CD59: variants seen among roughly 807,000 people sequenced by gnomAD.
The protein encoded by CD59 is CD59 glycoprotein.
CD59 carries 3 observed loss-of-function variants against 7.0 expected under a neutral mutation model. The ratio of observed to expected loss-of-function variants is 0.43; its 90% CI spans 0.19 to 1.10. CD59 has a LOEUF of 1.10. Among genes scored for constraint, CD59 ranks in the 50% least tolerant of loss-of-function variants. The pLI is 0.29. For synonymous variants in CD59, 60 were observed against 62.0 expected (o/e 0.97, Z 0.15); for missense variants, 143 against 151.0 (o/e 0.95, Z 0.28).
chr11:33,734,545 C>T (rs776941961), intron 1 of CD59, among the ~76,000 whole-genome samples: 2 of 152,166 alleles, frequency 1.3e-5, no homozygotes, highest in Non-Finnish European at 2.9e-5. Context: ...TGGTCAGCTC[C>T]CACTTATTAG....
At position 33,706,598 on chromosome 11, in the gene CD59, T is replaced by A. The variant is rs1359777917; in HGVS notation, c.*3528A>T. ...CTTGTCCAGAGACATAGCCAATTAG[T>A]GGAAGAGGGTTTGAACCCAGGTTCC... On this transcript the variant is annotated 3_prime_UTR_variant, in exon 4 of 4. Transcript: ENST00000642928. 5 of 149,220 alleles carry A rather than the reference T, an allele frequency of 3.4e-5. No individual in the cohort carries two copies. The allele number at this position is 149,220 out of a possible 1,614,324, so 9.2% of individuals were successfully genotyped here.
chr11:33,711,380 T>C, intron 3 of CD59: 1 of 701,234 alleles, frequency 1.4e-6, no homozygotes, highest in Non-Finnish European at 2.6e-6. Flanking sequence ...ATAAAAAGAC[T>C]AACCCAATTA....
chr11:33,715,068 C>T (rs1564971608), intron 3 of CD59, among the ~76,000 whole-genome samples: 2 of 151,592 alleles, frequency 1.3e-5, no homozygotes, highest in South Asian at 4.2e-4. Context: ...CTCAGCCTCC[C>T]GAGAGGCTGT....
intron 2 of CD59, chr11:33,718,172 T>C (rs831635): frequency 0.69 from 105,586 of 153,980 alleles, 37,838 homozygotes; most frequent in African/African-American, 0.91. Flanking sequence ...TGCCTCTTGG[T>C]CTGCAAAGCT....
chr11:33,731,763 G>A (rs970437896), intron 1 of CD59, among the ~76,000 whole-genome samples: 3 of 151,258 alleles, frequency 2.0e-5, no homozygotes, highest in African/African-American at 4.9e-5. Flanking sequence ...AAAAGAAGCT[G>A]TTAGTTCTTA....
intron 1 of CD59, chr11:33,722,771 C>T: frequency 9.3e-7 from 1 of 1,072,030 alleles, no homozygotes; most frequent in Non-Finnish European, 1.2e-6. Context: ...GTGGTTCCCA[C>T]TCTACTGGCC....
Position 33,707,859 on chromosome 11 carries a change from C to T in CD59, c.*2267G>A, listed in dbSNP as rs546155770. On this transcript the variant is annotated 3_prime_UTR_variant, in exon 4 of 4. Transcript: ENST00000642928. ...GCAGCAGGCAGAGAGCCTTTACTGTCATAGTGAAGAGCTTGCCAAGGACAG... is the reference window on the plus strand; with the variant it reads ...GCAGCAGGCAGAGAGCCTTTACTGTTATAGTGAAGAGCTTGCCAAGGACAG... The T allele has an allele frequency of 2.0e-4, 31 of 152,328 alleles. No homozygotes were observed. The highest frequency in any genetic ancestry group is 7.5e-4 in the African/African-American group (31 of 41,554). 9.4% of individuals were successfully genotyped at this position (152,328 alleles called of 1,614,324 possible).
At chr11:33,711,251 G>C in intron 3 of CD59, 1 of 585,070 alleles carries the variant, frequency 1.7e-6, no homozygotes, top group Non-Finnish European at 3.0e-6. Context: ...AGAATTGTTT[G>C]AGGCGGGAAG....
chr11:33,711,146 C>T (rs1853538396), intron 3 of CD59, among the ~76,000 whole-genome samples: 1 of 151,778 alleles, frequency 6.6e-6, no homozygotes, highest in African/African-American at 2.4e-5. Context: ...AAAGATAACT[C>T]ACAGAAAGGG....
Position 33,717,413 on chromosome 11 carries a change from G to C in CD59, c.126C>G (p.Val42=), listed in dbSNP as rs2231458. The C allele has an allele frequency of 1.0e-3, 1,633 of 1,613,692 alleles. 14 individuals carry two copies. The African/African-American group carries it at 0.019, about 18-fold the overall frequency. The change falls in exon 3 of 4, where the codon GTC becomes GTG. Residue 42 remains valine, a synonymous_variant. Transcript: ENST00000642928. ...ACGCATCAAAATCAGATGAACAATT[G>C]ACGGCTGTTTTGCAGTCAGCAGTTG... The part of the protein sequence containing the change: ...PNPTADCKTA[V]NCSSDFDACL...
At chr11:33,720,676 C>A (rs1216074406) in intron 2 of CD59, among the ~76,000 whole-genome samples, 1 of 152,234 alleles carries the variant, frequency 6.6e-6, no homozygotes, top group African/African-American at 2.4e-5. Context: ...TTGCAGTGAG[C>A]CGAGATCGCG....
In CD59 at chr11:33,715,637, T is replaced by C. The variant is rs973021063; in HGVS notation, c.169+1733A>G. Among the ~76,000 whole-genome samples the C allele has an allele frequency of 5.3e-5, 8 of 152,210 alleles. No homozygotes were observed. In the South Asian group the frequency reaches 1.7e-3, roughly 32 times the overall value. On this transcript the variant is annotated intron_variant, in intron 3 of 3. Transcript: ENST00000642928. ...AAAAACCAGAAAAACAAAGTTCCCA[T>C]TGTTCCACATCCTCACCAGCATCTG... is the stretch of plus-strand genomic sequence containing the variant.
At chr11:33,732,274 G>A (rs1396420654) in intron 1 of CD59, among the ~76,000 whole-genome samples, 3 of 152,170 alleles carry the variant, frequency 2.0e-5, no homozygotes, top group African/African-American at 7.2e-5. Flanking sequence ...CCTGGTGGGA[G>A]GTGACTGGAT....
In CD59 at chr11:33,703,037, AT is replaced by A. The variant is rs1477341403; in HGVS notation, c.*7088del. ...AGAAGGAAAAGAGATTTTGCGTTAT[AT>A]TTTTTAAATGAAGCAATACAATCAT... On this transcript the variant is annotated 3_prime_UTR_variant, in exon 4 of 4. Transcript: ENST00000642928. The A allele has an allele frequency of 6.6e-6, 1 of 152,304 alleles. No individual in the cohort carries two copies. Among genetic ancestry groups the A allele is most frequent in the African/African-American group, 2.4e-5 (1 of 41,440 alleles). 9.4% of individuals were successfully genotyped at this position (152,304 alleles called of 1,614,324 possible).
In CD59 at chr11:33,717,393, T is replaced by A; in HGVS notation, c.146A>T (p.Asp49Val). Residue 49 changes from aspartate (D) to valine (V), a missense_variant, in exon 3 of 4, where the codon GAT becomes GTT. Physicochemically the swap from Asp to Val is radical, Grantham distance 152 (BLOSUM62 -3). Coordinates refer to ENST00000642928, the MANE Select transcript of CD59 (RefSeq NM_000611.6). ...ACCAGCTTTGGTAATGAGACACGCA[T>A]CAAAATCAGATGAACAATTGACGGC... ...KTAVNCSSDFDACLITKAGLQ... is the reference protein window; with the variant it reads ...KTAVNCSSDFVACLITKAGLQ... 6.2e-7 allele frequency: 1 copy of A among 1,613,156 alleles called. No individual in the cohort carries two copies. The highest frequency in any genetic ancestry group is 8.5e-7 in the Non-Finnish European group (1 of 1,179,156).
intron 2 of CD59, chr11:33,717,704 T>G (rs988672636): frequency 2.1e-6 from 1 of 487,352 alleles, no homozygotes; most frequent in Non-Finnish European, 3.8e-6. Context: ...CATCTAACTG[T>G]GCAATTGAGA....
rs1040513338 is a variant in CD59 at position 33,704,447 on chromosome 11, G to T, written c.*5679C>A. The T allele has an allele frequency of 6.6e-6, 1 of 152,048 alleles. No individual in the cohort carries two copies. The highest frequency in any genetic ancestry group is 2.4e-5 in the African/African-American group (1 of 41,378). The allele number at this position is 152,048 out of a possible 1,614,324, so 9.4% of individuals were successfully genotyped here. Reference sequence around the variant, plus strand: ...ATGAATGAGGAAAATGCAGCAGGGGGTCCATCCTAGAAAACCCAACCCACT... The same window carrying T: ...ATGAATGAGGAAAATGCAGCAGGGGTTCCATCCTAGAAAACCCAACCCACT... On this transcript the variant is annotated 3_prime_UTR_variant, in exon 4 of 4. Coordinates refer to ENST00000642928, the MANE Select transcript of CD59 (RefSeq NM_000611.6).
At chr11:33,724,795 T>C (rs1590538990) in intron 1 of CD59, among the ~76,000 whole-genome samples, 1 of 152,160 alleles carries the variant, frequency 6.6e-6, no homozygotes, top group Admixed American at 6.5e-5. Context: ...GACTGGCTGG[T>C]TGTTGCTATA....
intron 2 of CD59, among the ~76,000 whole-genome samples, chr11:33,721,033 G>A (rs773907289): frequency 1.3e-5 from 2 of 152,182 alleles, no homozygotes; most frequent in African/African-American, 2.4e-5. Context: ...CTGGAAGTAG[G>A]ATGTCACTGG....
Sources: gnomAD v4.1 joint callset for allele counts (sites outside exome capture counted in the v4.1 genomes callset) on GRCh38, gnomAD v4.1.1 for gene constraint, MANE v1.5 for transcripts, NCBI Gene and HGNC (gene_info 2026-07-23, HGNC 2026-07-21) for gene names.